PARP11: variants seen among roughly 807,000 people sequenced by gnomAD.
PARP11 encodes poly(ADP-ribose) polymerase family member 11.
In PARP11, 31 loss-of-function variants were observed where a neutral mutation model predicts 42.9. That is an observed-to-expected ratio of 0.72 (90% CI 0.54 to 0.98). PARP11 has a LOEUF of 0.98. Among genes scored for constraint, PARP11 ranks in the 50% least tolerant of loss-of-function variants. The probability of loss-of-function intolerance (pLI) is 0.00; values close to 1 mark genes in which losing one functional copy is unlikely to be tolerated. For missense variants in PARP11, 365 were observed against 413.1 expected (o/e 0.88, Z 1.01); for synonymous variants, 137 against 127.3 (o/e 1.08, Z -0.51).
intron 1 of PARP11, chr12:3,841,614 T>C: frequency 6.2e-7 from 1 of 1,613,452 alleles, no homozygotes; most frequent in African/African-American, 1.3e-5. Flanking sequence ...AGGCTGATCT[T>C]GAATCTGAGA....
At chr12:3,826,123 A>T (rs180967664) in intron 4 of PARP11, 35 bp downstream of exon 4, 3 of 1,309,714 alleles carry the variant, frequency 2.3e-6, no homozygotes, top group Non-Finnish European at 2.1e-6. Context: ...GAAAAAAAAA[A>T]CCCACTCTTT....
intron 1 of PARP11, among the ~76,000 whole-genome samples, chr12:3,855,435 T>G (rs1306689745): frequency 1.3e-5 from 2 of 152,200 alleles, no homozygotes; most frequent in Non-Finnish European, 2.9e-5. Context: ...TTCAGCAAAG[T>G]CTCAGGATAC....
At chr12:3,848,694 CTA>C (rs1948043102) in intron 1 of PARP11, among the ~76,000 whole-genome samples, 1 of 152,094 alleles carries the variant, frequency 6.6e-6, no homozygotes, top group Non-Finnish European at 1.5e-5. Context: ...AGATCTGAAA[CTA>C]TGAAACTACT....
chr12:3,822,901 T>C (rs1947430255), intron 4 of PARP11, among the ~76,000 whole-genome samples: 1 of 152,328 alleles, frequency 6.6e-6, no homozygotes, highest in Admixed American at 6.5e-5. Context: ...TTCTCCAAGT[T>C]CTAACTCAAA....
intron 1 of PARP11, among the ~76,000 whole-genome samples, chr12:3,852,818 G>C (rs1332911860): frequency 6.6e-6 from 1 of 152,056 alleles, no homozygotes; most frequent in East Asian, 1.9e-4. Flanking sequence ...GCAACCCCAA[G>C]ATACATAATT....
chr12:3,816,999 A>C (rs111230771), intron 6 of PARP11, among the ~76,000 whole-genome samples: 1 of 151,938 alleles, frequency 6.6e-6, no homozygotes, highest in Non-Finnish European at 1.5e-5. Context: ...AGACCATCCT[A>C]GCTAACATGG....
intron 1 of PARP11, among the ~76,000 whole-genome samples, chr12:3,853,006 A>G (rs1016154639): frequency 3.9e-5 from 6 of 152,252 alleles, no homozygotes; most frequent in Non-Finnish European, 5.9e-5. Context: ...AGAATTTTCA[A>G]CCCAGAATTT....
Position 3,840,076 on chromosome 12 carries a change from G to A in PARP11, c.19-10058C>T, listed in dbSNP as rs1947855363. 4.4e-6 allele frequency: 7 copies of A among 1,608,998 alleles called. No individual in the cohort carries two copies. The South Asian group carries it at 6.6e-5, about 15-fold the overall frequency. The stretch of plus-strand genomic sequence containing the variant: ...ACTCAATCCTGCAGTCTATAGAAAT[G>A]TGGAATATGAAATTTGGCTGGAGTC... On this transcript the variant is annotated intron_variant, in intron 1 of 7. Coordinates refer to ENST00000228820, the MANE Select transcript of PARP11 (RefSeq NM_020367.6). The surrounding 1 kb of genome is among the most constrained non-coding windows in gnomAD (Gnocchi z 4.4).
At chr12:3,836,358 C>T (rs558408401) in intron 1 of PARP11, among the ~76,000 whole-genome samples, 1 of 151,872 alleles carries the variant, frequency 6.6e-6, no homozygotes, top group African/African-American at 2.4e-5. Flanking sequence ...GCCTATCAAC[C>T]AAGAATCTTA....
intron 6 of PARP11, among the ~76,000 whole-genome samples, chr12:3,818,183 C>A (rs1394851092): frequency 6.6e-6 from 1 of 152,144 alleles, no homozygotes; most frequent in African/African-American, 2.4e-5. Context: ...CTCGTTCTAC[C>A]CCATTTTCCA....
At chr12:3,831,344 T>TCA (rs959562528) in intron 1 of PARP11, among the ~76,000 whole-genome samples, 1 of 152,180 alleles carries the variant, frequency 6.6e-6, no homozygotes, top group African/African-American at 2.4e-5. Context: ...ATTTCCTGTA[T>TCA]CATTGATTTT....
chr12:3,859,694 C>A (rs781127034), intron 1 of PARP11, among the ~76,000 whole-genome samples: 1 of 151,944 alleles, frequency 6.6e-6, no homozygotes, highest in Non-Finnish European at 1.5e-5. Context: ...CAGCTATATG[C>A]TGTCCACAGA....
chr12:3,826,833 T>C (rs1170869081), intron 3 of PARP11, among the ~76,000 whole-genome samples: 3 of 152,376 alleles, frequency 2.0e-5, no homozygotes, highest in Non-Finnish European at 2.9e-5. Context: ...TATCATTTTC[T>C]GCTTTCATCC....
chr12:3,814,898 A>G (rs1274329533), intron 6 of PARP11: 4 of 271,438 alleles, frequency 1.5e-5, no homozygotes, highest in Non-Finnish European at 2.3e-5. Context: ...AGAATTTTGC[A>G]AAAAGAGATA....
intron 5 of PARP11, 41 bp from the exon 6 acceptor site, chr12:3,822,044 C>T (rs368136883): frequency 1.3e-5 from 21 of 1,608,592 alleles, no homozygotes; most frequent in African/African-American, 5.4e-5. Flanking sequence ...CAGTCATTTC[C>T]GGTTTCTTTC....
At chr12:3,822,560 C>T (rs1168772022) in intron 4 of PARP11, among the ~76,000 whole-genome samples, 1 of 147,126 alleles carries the variant, frequency 6.8e-6, no homozygotes, top group African/African-American at 2.6e-5. Flanking sequence ...GATTGCGCCA[C>T]TGCACTCCAG....
intron 6 of PARP11, chr12:3,815,106 G>T (rs1413605182): frequency 2.2e-6 from 1 of 456,126 alleles, no homozygotes; most frequent in Non-Finnish European, 4.4e-6. Flanking sequence ...AATCTGATTG[G>T]TAGATACATG....
intron 3 of PARP11, 59 bp downstream of exon 3, chr12:3,828,851 T>C (rs752919018): frequency 8.1e-5 from 120 of 1,476,274 alleles, no homozygotes; most frequent in Non-Finnish European, 1.0e-4. Flanking sequence ...CCTTCAGAGC[T>C]GTAGATTTTA....
intron 7 of PARP11, among the ~76,000 whole-genome samples, chr12:3,813,590 G>C (rs543824829): frequency 1.3e-5 from 2 of 152,174 alleles, no homozygotes; most frequent in Non-Finnish European, 2.9e-5. Flanking sequence ...CTTTTTAGTA[G>C]TTATTTTTTA....
Sources: allele counts gnomAD v4.1 joint callset (sites outside exome capture counted in the v4.1 genomes callset), GRCh38; gene constraint gnomAD v4.1.1; non-coding constraint Gnocchi (gnomAD v3.1); transcripts MANE v1.5; gene names NCBI Gene and HGNC (gene_info 2026-07-23, HGNC 2026-07-21).